Variants in LMNTD1 observed in about 807,000 individuals in gnomAD.
LMNTD1 encodes the protein lamin tail domain containing 1, also known as lamin tail domain-containing protein 1.
Under a neutral mutation model 50.9 loss-of-function variants are expected in LMNTD1, and 35 were observed. That is an observed-to-expected ratio of 0.69 (90% CI 0.53 to 0.91). The LOEUF (loss-of-function observed/expected upper bound fraction) is 0.91, where lower values mean the gene tolerates loss of function less well. Among genes scored for constraint, LMNTD1 ranks in the 40% least tolerant of loss-of-function variants. The probability of loss-of-function intolerance (pLI) is 0.00; values close to 1 mark genes in which losing one functional copy is unlikely to be tolerated. For missense variants in LMNTD1, 470 were observed against 475.5 expected, an observed-to-expected ratio of 0.99 and a Z score of 0.11; for synonymous variants, 153 against 161.9, an observed-to-expected ratio of 0.94 and a Z score of 0.42.
At chr12:25,548,610 C>T (rs533961652) in intron 3 of LMNTD1, among the ~76,000 whole-genome samples, 2 of 151,976 alleles carry the variant, frequency 1.3e-5, no homozygotes, top group Admixed American at 6.6e-5. Flanking sequence ...AGAGATGTTA[C>T]GTACTCTACC....
chr12:25,611,138 G>A (rs1012444660), intron 1 of LMNTD1, among the ~76,000 whole-genome samples: 2 of 152,192 alleles, frequency 1.3e-5, no homozygotes, highest in Non-Finnish European at 2.9e-5. Context: ...TACCAGGGAA[G>A]TCAAAGAGGA....
chr12:25,610,508 G>A (rs1946216488), intron 1 of LMNTD1, among the ~76,000 whole-genome samples: 1 of 152,140 alleles, frequency 6.6e-6, no homozygotes, highest in African/African-American at 2.4e-5. Context: ...TAATTTATTG[G>A]ACAACACAAG....
At chr12:25,481,757 G>A (rs906125801) in intron 9 of LMNTD1, among the ~76,000 whole-genome samples, 5 of 150,740 alleles carry the variant, frequency 3.3e-5, no homozygotes, top group African/African-American at 7.4e-5. Context: ...CTTGTGTGAC[G>A]GCTGTGGCTG....
At chr12:25,581,712 A>C (rs1945296345) in intron 1 of LMNTD1, among the ~76,000 whole-genome samples, 1 of 152,206 alleles carries the variant, frequency 6.6e-6, no homozygotes, top group South Asian at 2.1e-4. Context: ...TTGGTTGTGC[A>C]AACATCACAA....
At chr12:25,489,416 T>G (rs1268172619) in intron 9 of LMNTD1, among the ~76,000 whole-genome samples, 1 of 151,482 alleles carries the variant, frequency 6.6e-6, no homozygotes, top group Admixed American at 6.6e-5. Context: ...ACCCCTTTAT[T>G]TGACTCGGAA....
chr12:25,513,002 T>C (rs557640626), intron 8 of LMNTD1, among the ~76,000 whole-genome samples: 3 of 152,300 alleles, frequency 2.0e-5, no homozygotes, highest in African/African-American at 7.2e-5. Flanking sequence ...ATTTAATCCT[T>C]TAATAATCCA....
At chr12:25,498,999 T>TTAAATTAATTAAGGTCTAAA (rs1253542613) in intron 9 of LMNTD1, among the ~76,000 whole-genome samples, 1 of 152,194 alleles carries the variant, frequency 6.6e-6, no homozygotes, top group African/African-American at 2.4e-5. Context: ...CATATTAACC[T>TTAAATTAATTAAGGTCTAAA]TAAATTAAGA....
intron 1 of LMNTD1, among the ~76,000 whole-genome samples, chr12:25,591,027 T>C (rs1291401165): frequency 6.6e-6 from 1 of 152,154 alleles, no homozygotes; most frequent in African/African-American, 2.4e-5. Flanking sequence ...ACTCCTTTAC[T>C]TGAGAAAAGT....
At chr12:25,512,456 A>C (rs1315887381) in intron 8 of LMNTD1, among the ~76,000 whole-genome samples, 4 of 152,192 alleles carry the variant, frequency 2.6e-5, no homozygotes, top group African/African-American at 9.6e-5. Context: ...ACGACAATGT[A>C]TTAATATTTT....
At chr12:25,568,523 A>G (rs1944653063) in intron 1 of LMNTD1, among the ~76,000 whole-genome samples, 1 of 152,242 alleles carries the variant, frequency 6.6e-6, no homozygotes, top group Non-Finnish European at 1.5e-5. Flanking sequence ...AGGTACTGAT[A>G]GCCAAGACAA....
intron 4 of LMNTD1, among the ~76,000 whole-genome samples, chr12:25,527,166 A>C (rs796092726): frequency 7.9e-5 from 12 of 152,230 alleles, no homozygotes; most frequent in African/African-American, 2.6e-4. Context: ...AAAATAACCT[A>C]TTTCACTTAA....
chr12:25,602,523 A>G (rs1016496218), intron 1 of LMNTD1, among the ~76,000 whole-genome samples: 1 of 152,016 alleles, frequency 6.6e-6, no homozygotes, highest in Non-Finnish European at 1.5e-5. Context: ...TTTTCTTGGC[A>G]AGTCCACAAC....
intron 1 of LMNTD1, among the ~76,000 whole-genome samples, chr12:25,595,036 T>A (rs967058250): frequency 6.6e-6 from 1 of 152,122 alleles, no homozygotes; most frequent in African/African-American, 2.4e-5. Context: ...AATATCACAA[T>A]CCTAAATATA....
At chr12:25,616,220 G>C (rs1386753654) in intron 1 of LMNTD1, among the ~76,000 whole-genome samples, 1 of 152,104 alleles carries the variant, frequency 6.6e-6, no homozygotes, top group Non-Finnish European at 1.5e-5. Flanking sequence ...GGTAGGGGAA[G>C]TCTCTAAGAA....
At chr12:25,525,824 C>A (rs1296478697) in intron 6 of LMNTD1, among the ~76,000 whole-genome samples, 1 of 152,064 alleles carries the variant, frequency 6.6e-6, no homozygotes, top group East Asian at 1.9e-4. Flanking sequence ...CCATGGAATA[C>A]CACCACTTAA....
chr12:25,648,371 C>G, intron 1 of LMNTD1: 2 of 743,198 alleles, frequency 2.7e-6, no homozygotes, highest in East Asian at 2.7e-5. Flanking sequence ...AAAAATTGTT[C>G]TTATATCTCA....
intron 1 of LMNTD1, among the ~76,000 whole-genome samples, chr12:25,571,732 C>T (rs1294501293): frequency 6.6e-6 from 1 of 152,176 alleles, no homozygotes; most frequent in African/African-American, 2.4e-5. Flanking sequence ...TGCAGTAGTG[C>T]AATCATGGCT....
intron 4 of LMNTD1, among the ~76,000 whole-genome samples, chr12:25,527,635 T>A (rs114474371): frequency 0.23 from 21,381 of 91,774 alleles, 2,427 homozygotes; most frequent in East Asian, 0.3. Flanking sequence ...AGGCACTTAA[T>A]AACACTATAT....
At chr12:25,580,924 A>AC (rs1228960174) in intron 1 of LMNTD1, among the ~76,000 whole-genome samples, 1 of 152,148 alleles carries the variant, frequency 6.6e-6, no homozygotes, top group Non-Finnish European at 1.5e-5. Context: ...TACCTCCCTT[A>AC]CCGGGTTGTT....
Sources: gnomAD v4.1 joint callset for allele counts (sites outside exome capture counted in the v4.1 genomes callset) on GRCh38, gnomAD v4.1.1 for gene constraint, MANE v1.5 for transcripts, NCBI Gene and HGNC (gene_info 2026-07-23, HGNC 2026-07-21) for gene names.